Variants in AQP10 observed in about 807,000 individuals in gnomAD.
AQP10 encodes the protein aquaporin 10, also known as aquaporin-10.
In AQP10, 15 loss-of-function variants were observed where a neutral mutation model predicts 21.0. That is an observed-to-expected ratio of 0.71 (90% confidence interval 0.48 to 1.10). The LOEUF is 1.10. AQP10 is among the 50% of genes least tolerant of loss of function. The pLI is 0.00. For missense variants in AQP10, 268 were observed against 379.5 expected (o/e 0.71, Z 2.44); for synonymous variants, 143 against 155.7 (o/e 0.92, Z 0.61).
rs112686272 is a variant in AQP10, at chr1:154,321,288, G to T, written c.105+28G>T. 2,693 of 1,589,056 alleles carry T rather than the reference G, an allele frequency of 1.7e-3. 40 individuals are homozygous for T. In the African/African-American group the frequency reaches 0.031, roughly 18 times the overall value. ...AGGTAGGATCACTGCGGGAAGGAAA[G>T]AAGGGGGTTGGGCAAAAGTTCCTGG... is the stretch of plus-strand genomic sequence containing the variant. On this transcript the variant is annotated intron_variant, in intron 1 of 5. Coordinates refer to ENST00000324978, the MANE Select transcript of AQP10 (RefSeq NM_080429.3).
chr1:154,324,333 C>T lies in AQP10; in HGVS notation c.759C>T (p.Ala253=), dbSNP rs527610347. The change falls in exon 6 of 6, where the codon GCC becomes GCT. Residue 253 remains alanine, a synonymous_variant. Transcript: ENST00000324978. ...CTGTGGTGGCCCCTCTGGTGGGGGC[C>T]ACCGTTGGCACAGCCACTTACCAGC... ...WVPVVAPLVG[A]TVGTATYQLL... The T allele has an allele frequency of 2.3e-4, 366 of 1,594,934 alleles. 7 individuals are homozygous for T. In the South Asian group the frequency reaches 3.9e-3, roughly 17 times the overall value.
chr1:154,324,685 C>CA lies in AQP10; in HGVS notation c.*206dup. The CA allele has an allele frequency of 2.0e-6, 1 of 494,712 alleles. No individual in the cohort carries two copies. The highest frequency in any genetic ancestry group is 3.5e-5 in the South Asian group (1 of 28,512). The allele number at this position is 494,712 out of a possible 1,614,324, so 30.6% of individuals were successfully genotyped here. A position where few individuals can be genotyped will look rare whatever the true frequency, so the allele number is the denominator to read the frequency against. ...ATAAGGTACCAGGACTCAGGCTTCT[C>CA]ATCCCCTCCTCCCGCAAAGCGGTTT... On this transcript the variant is annotated 3_prime_UTR_variant, in exon 6 of 6. Transcript: ENST00000324978.
At position 154,321,956 on chromosome 1, in the gene AQP10, C is replaced by T. The variant is rs1685650801; in HGVS notation, c.129C>T (p.Ala43=). 3.7e-6 allele frequency: 6 copies of T among 1,612,960 alleles called. No homozygotes were observed. The highest frequency in any genetic ancestry group is 1.1e-5 in the South Asian group (1 of 91,010). ...AGCTCCTCACCCAAGGAGCTGTGGC[C>T]CAGGCTGTCACCAGTGGAGAAACCA... The part of the protein sequence containing the change: ...VLMLLTQGAV[A]QAVTSGETKG... Residue 43 remains alanine (A), a synonymous_variant, in exon 2 of 6, where the codon GCC becomes GCT. Coordinates refer to ENST00000324978, the MANE Select transcript of AQP10 (RefSeq NM_080429.3).
chr1:154,324,336 C>T lies in AQP10; in HGVS notation c.762C>T (p.Thr254=), dbSNP rs41304552. The T allele has an allele frequency of 0.04, 64,450 of 1,600,538 alleles. 1,592 individuals carry two copies. Among genetic ancestry groups the T allele is most frequent in the Non-Finnish European group, 0.048 (56,675 of 1,175,124 alleles). ...TGGTGGCCCCTCTGGTGGGGGCCAC[C>T]GTTGGCACAGCCACTTACCAGCTGT... ...VPVVAPLVGA[T]VGTATYQLLV... Residue 254 remains threonine, a synonymous_variant, in exon 6 of 6, where the codon ACC becomes ACT. Transcript: ENST00000324978.
In AQP10 at chr1:154,324,444, T is replaced by A; in HGVS notation, c.870T>A (p.Thr290=). ...SAQHKASELE[T]PASAQMLECK... is the part of the protein sequence containing the mutation. ...AACACAAAGCCTCAGAGTTGGAAAC[T>A]CCTGCCTCAGCTCAGATGCTGGAGT... is the stretch of plus-strand genomic sequence containing the variant. The change falls in exon 6 of 6, where the codon ACT becomes ACA. Residue 290 remains threonine (T), a synonymous_variant. Transcript: ENST00000324978. 2 of 1,613,670 alleles carry A rather than the reference T, an allele frequency of 1.2e-6. No homozygotes were observed. Among genetic ancestry groups the A allele is most frequent in the Non-Finnish European group, 1.7e-6 (2 of 1,179,954 alleles).
In AQP10 at chr1:154,323,322, C is replaced by G. The variant is rs774186017; in HGVS notation, c.452C>G (p.Ala151Gly). 1.2e-6 allele frequency: 2 copies of G among 1,614,156 alleles called. No individual in the cohort carries two copies. Among genetic ancestry groups the G allele is most frequent in the Non-Finnish European group, 1.7e-6 (2 of 1,180,002 alleles). Residue 151 changes from alanine (A) to glycine (G), a missense_variant, in exon 4 of 6, where the codon GCC becomes GGC. This residue lies in a region of AQP10 where 229 missense variants were observed against 295.1 expected (regional missense o/e 0.78). Coordinates refer to ENST00000324978, the MANE Select transcript of AQP10 (RefSeq NM_080429.3). The surrounding 1 kb of genome is among the most constrained non-coding windows in gnomAD (Gnocchi z 4.5). ...ETASIFATYP[A>G]PYLSLNNGFL... ...GCCTCCATTTTTGCCACCTATCCTG[C>G]CCCCTATCTGTCCCTGAACAATGGC... is the stretch of plus-strand genomic sequence containing the variant.
At position 154,323,045 on chromosome 1, in the gene AQP10, A is replaced by G. The variant is rs1685684331; in HGVS notation, c.296A>G (p.Lys99Arg). The stretch of plus-strand genomic sequence containing the variant: ...ATCGTTGGACGCCTCCCCTGGGTCA[A>G]GCTCCCCATTTACATCTTGGTGCAG... Reference protein sequence around the residue: ...MCIVGRLPWVKLPIYILVQLL... With the variant: ...MCIVGRLPWVRLPIYILVQLL... The change falls in exon 3 of 6, where the codon AAG becomes AGG. Residue 99 changes from lysine to arginine, a missense_variant. Lys to Arg is a conservative substitution (Grantham distance 26). This residue lies in a region of AQP10 where 229 missense variants were observed against 295.1 expected (regional missense o/e 0.78). Coordinates refer to ENST00000324978, the MANE Select transcript of AQP10 (RefSeq NM_080429.3). This position sits in a 1 kb window ranked among gnomAD's most constrained non-coding sequence, Gnocchi z 4.5. The G allele has an allele frequency of 6.2e-7, 1 of 1,614,036 alleles. No individual in the cohort carries two copies. Among genetic ancestry groups the G allele is most frequent in the Admixed American group, 1.7e-5 (1 of 59,996 alleles).
intron 2 of AQP10, 124 bp from the exon 3 acceptor site, chr1:154,322,858 G>A: frequency 8.8e-6 from 11 of 1,255,270 alleles, no homozygotes; most frequent in Non-Finnish European, 1.1e-5. Flanking sequence ...AATTTCCTAA[G>A]CTGTGTGATG....
chr1:154,321,363 A>C, intron 1 of AQP10, 103 bp downstream of exon 1: 3 of 770,642 alleles, frequency 3.9e-6, no homozygotes, highest in East Asian at 6.1e-5. Context: ...CTTCCTCTCA[A>C]CTCCCTATCA....
Position 154,323,240 on chromosome 1 carries a change from G to A in AQP10, c.371-1G>A, listed in dbSNP as rs1277558599. On this transcript the variant is annotated splice_acceptor_variant, in intron 3 of 5. Transcript: ENST00000324978. LOFTEE classifies it high-confidence loss of function. The surrounding 1 kb of genome is among the most constrained non-coding windows in gnomAD (Gnocchi z 4.5). The stretch of plus-strand genomic sequence containing the variant: ...ATCCTGGGTGTTCCCTTCCTCCACA[G>A]ATGCCCTACAGAACTATACAGGTGG... 6.2e-7 allele frequency: 1 copy of A among 1,614,148 alleles called. No individual in the cohort carries two copies.
In AQP10 at chr1:154,321,126, A is replaced by T. The variant is rs778908731; in HGVS notation, c.-30A>T. 4 of 1,573,806 alleles carry T rather than the reference A, an allele frequency of 2.5e-6. No homozygotes were observed. The Admixed American group carries it at 5.1e-5, about 20-fold the overall frequency. On this transcript the variant is annotated 5_prime_UTR_variant, in exon 1 of 6. Coordinates refer to ENST00000324978, the MANE Select transcript of AQP10 (RefSeq NM_080429.3). ...ACAGTGTGCCTATGCAGACAGAGGG[A>T]GCAGTGAATAGCAATAGGGTGTTTC... is the stretch of plus-strand genomic sequence containing the variant.
In AQP10 at chr1:154,323,775, T is replaced by C. The variant is rs1685700678; in HGVS notation, c.676T>C (p.Tyr226His). 1 of 1,614,204 alleles carries C rather than the reference T, an allele frequency of 6.2e-7. No homozygotes were observed. Among genetic ancestry groups the C allele is most frequent in the South Asian group, 1.1e-5 (1 of 91,090 alleles). The change falls in exon 5 of 6, where the codon TAC becomes CAC. Residue 226 changes from tyrosine (Y) to histidine (H), a missense_variant. Transcript: ENST00000324978. The surrounding 1 kb of genome is among the most constrained non-coding windows in gnomAD (Gnocchi z 4.5). ...GGACCTGGGCCCACGTCTCTTCACC[T>C]ACGTGGCTGGCTGGGGTCCTGAAGT... Reference protein sequence around the residue: ...ARDLGPRLFTYVAGWGPEVFS... With the variant: ...ARDLGPRLFTHVAGWGPEVFS...
In AQP10 at chr1:154,323,162, TGG is replaced by T; in HGVS notation, c.370+45_370+46del. The T allele has an allele frequency of 6.2e-7, 1 of 1,614,028 alleles. No homozygotes were observed. Among genetic ancestry groups the T allele is most frequent in the East Asian group, 2.2e-5 (1 of 44,860 alleles). ...GGGAGCTGTGCCTTGAGAGCACCTG[TGG>T]GTGGGCAGGGGTGCCTCAGAATGGT... On this transcript the variant is annotated intron_variant, in intron 3 of 5. Transcript: ENST00000324978. The surrounding 1 kb of genome is among the most constrained non-coding windows in gnomAD (Gnocchi z 4.5).
chr1:154,322,181 C>T, intron 2 of AQP10, 122 bp downstream of exon 2: 5 of 1,430,724 alleles, frequency 3.5e-6, no homozygotes, highest in Non-Finnish European at 4.7e-6. Flanking sequence ...TGAACAGTGT[C>T]CCAGACTGAA....
chr1:154,323,332 G>C lies in AQP10; in HGVS notation c.462G>C (p.Leu154=), dbSNP rs200551947. ...SIFATYPAPY[L]SLNNGFLDQV... ...TTGCCACCTATCCTGCCCCCTATCT[G>C]TCCCTGAACAATGGCTTCCTGGATC... is the stretch of plus-strand genomic sequence containing the variant. The change falls in exon 4 of 6, where the codon CTG becomes CTC. Residue 154 remains leucine, a synonymous_variant. Coordinates refer to ENST00000324978, the MANE Select transcript of AQP10 (RefSeq NM_080429.3). This position sits in a 1 kb window ranked among gnomAD's most constrained non-coding sequence, Gnocchi z 4.5. 7 of 1,614,092 alleles carry C rather than the reference G, an allele frequency of 4.3e-6. No homozygotes were observed. The highest frequency in any genetic ancestry group is 2.2e-5 in the East Asian group (1 of 44,884).
Position 154,323,919 on chromosome 1 carries a change from C to T in AQP10, c.707+113C>T, listed in dbSNP as rs1392562350. 6.6e-7 allele frequency: 1 copy of T among 1,504,386 alleles called. No individual in the cohort carries two copies. The highest frequency in any genetic ancestry group is 1.4e-5 in the African/African-American group (1 of 71,620). 93.2% of individuals were successfully genotyped at this position (1,504,386 alleles called of 1,614,324 possible). A position where few individuals can be genotyped will look rare whatever the true frequency, so the allele number is the denominator to read the frequency against. On this transcript the variant is annotated intron_variant, in intron 5 of 5. Transcript: ENST00000324978. This position sits in a 1 kb window ranked among gnomAD's most constrained non-coding sequence, Gnocchi z 4.5. ...AAATAGCTCTCTTGGCTTCTTAGGA[C>T]AGTGTTCTTTCTCCAAGTCATATTC...
chr1:154,321,872 C>T, intron 1 of AQP10, 61 bp from the exon 2 acceptor site: 1 of 1,604,614 alleles, frequency 6.2e-7, no homozygotes, highest in Non-Finnish European at 8.5e-7. Flanking sequence ...CTGGCCTTCC[C>T]AACCTTTCTC....
Position 154,324,230 on chromosome 1 carries a change from G to A in AQP10, c.708-52G>A, listed in dbSNP as rs1009096596. ...TTACTGCCCCCCGTCCTTGGAGAGGGGAAGGCTAAGGGAGTCACTCCTGAT... is the reference window on the plus strand; with the variant it reads ...TTACTGCCCCCCGTCCTTGGAGAGGAGAAGGCTAAGGGAGTCACTCCTGAT... On this transcript the variant is annotated intron_variant, in intron 5 of 5. Coordinates refer to ENST00000324978, the MANE Select transcript of AQP10 (RefSeq NM_080429.3). The A allele has an allele frequency of 6.1e-6, 9 of 1,478,186 alleles. No homozygotes were observed. In the African/African-American group the frequency reaches 1.1e-4, roughly 19 times the overall value. The allele number at this position is 1,478,186 out of a possible 1,614,324, so 91.6% of individuals were successfully genotyped here.
rs201101129 is a variant in AQP10 at position 154,324,413 on chromosome 1, C to G, written c.839C>G (p.Ser280Cys). The change falls in exon 6 of 6, where the codon TCT becomes TGT. Residue 280 changes from serine to cysteine, a missense_variant. By Grantham distance (112) the Ser-to-Cys change is moderately radical. This residue lies in a region of AQP10 where 229 missense variants were observed against 295.1 expected (regional missense o/e 0.78). Coordinates refer to ENST00000324978, the MANE Select transcript of AQP10 (RefSeq NM_080429.3). ...CCAGAGCCAGCTCAGGATCTGGTGT[C>G]TGCTCAACACAAAGCCTCAGAGTTG... Reference protein sequence around the residue: ...EGPEPAQDLVSAQHKASELET... With the variant: ...EGPEPAQDLVCAQHKASELET... 1,096 of 1,613,742 alleles carry G rather than the reference C, an allele frequency of 6.8e-4. 11 individuals carry two copies. In the South Asian group the frequency reaches 0.011, roughly 17 times the overall value.
Sources: allele counts gnomAD v4.1 joint callset, GRCh38; gene constraint gnomAD v4.1.1; regional missense constraint gnomAD v4.1.1; non-coding constraint Gnocchi (gnomAD v3.1); transcripts MANE v1.5; gene names NCBI Gene and HGNC (gene_info 2026-07-23, HGNC 2026-07-21).